Variants in GRID1 observed in about 807,000 individuals in gnomAD.
GRID1 encodes the protein glutamate ionotropic receptor delta type subunit 1.
GRID1 carries 28 observed loss-of-function variants against 98.0 expected under a neutral mutation model. The observed-to-expected ratio is 0.29, with a 90% CI of 0.21 to 0.39. GRID1 has a LOEUF of 0.39. Among genes scored for constraint, GRID1 ranks in the 10% least tolerant of loss-of-function variants. The pLI, the probability that GRID1 is intolerant of heterozygous loss-of-function variation, is 1.00. For missense variants in GRID1, 1,111 were observed against 1,340.5 expected, an observed-to-expected ratio of 0.83 and a Z score of 2.67; for synonymous variants, 553 against 538.5, an observed-to-expected ratio of 1.03 and a Z score of -0.37.
intron 12 of GRID1, among the ~76,000 whole-genome samples, chr10:85,713,376 T>C (rs1214658762): frequency 6.6e-6 from 1 of 151,718 alleles, no homozygotes; most frequent in Non-Finnish European, 1.5e-5. Flanking sequence ...AATCTGAGCA[T>C]ACTAATAGTG....
At chr10:85,735,609 CCTTTGGAAGATTGGG>C (rs1841871098) in intron 8 of GRID1, among the ~76,000 whole-genome samples, 1 of 152,062 alleles carries the variant, frequency 6.6e-6, no homozygotes, top group African/African-American at 2.4e-5. Context: ...GGACAGGCAT[CCTTTGGAAGATTGGG>C]CTTTGTGTTC....
At chr10:85,738,508 G>T (rs1470496109) in intron 8 of GRID1, among the ~76,000 whole-genome samples, 1 of 152,154 alleles carries the variant, frequency 6.6e-6, no homozygotes, top group African/African-American at 2.4e-5. Flanking sequence ...ATTACATAAG[G>T]GAGATGTAAA....
intron 3 of GRID1, among the ~76,000 whole-genome samples, chr10:86,168,516 C>A (rs1209665048): frequency 6.6e-6 from 1 of 152,176 alleles, no homozygotes; most frequent in Non-Finnish European, 1.5e-5. Context: ...AACCCAAGAG[C>A]CTGCTGTCCA....
rs556081016 is a variant in GRID1, at chr10:86,216,488, C to T, written c.236-9840G>A. 2.3e-4 allele frequency among the ~76,000 whole-genome samples: 35 copies of T among 152,330 alleles called. 2 individuals are homozygous for T. The highest frequency in any genetic ancestry group is 3.4e-3 in the Middle Eastern group (1 of 294). ...GTCCAAGACTAGAGTTAGCCTTCAGCGCACAATGAGAAAAGATCTTGGAAT... is the reference window on the plus strand; with the variant it reads ...GTCCAAGACTAGAGTTAGCCTTCAGTGCACAATGAGAAAAGATCTTGGAAT... On this transcript the variant is annotated intron_variant, in intron 2 of 15. Transcript: ENST00000327946.
chr10:85,926,170 C>T (rs940056739), intron 4 of GRID1, among the ~76,000 whole-genome samples: 7 of 152,062 alleles, frequency 4.6e-5, no homozygotes, highest in African/African-American at 9.7e-5. Flanking sequence ...ATTTGTGACA[C>T]GGGAAAACTA....
chr10:85,665,625 G>A (rs1267089856), intron 12 of GRID1, among the ~76,000 whole-genome samples: 1 of 152,140 alleles, frequency 6.6e-6, no homozygotes, highest in Non-Finnish European at 1.5e-5. Context: ...TAAATTGCTT[G>A]ACAGTCTAAT....
At chr10:86,038,294 GAA>G (rs1326108410) in intron 4 of GRID1, among the ~76,000 whole-genome samples, 1 of 152,180 alleles carries the variant, frequency 6.6e-6, no homozygotes, top group East Asian at 1.9e-4. Context: ...TACACCATTG[GAA>G]GAGATGCATA....
Position 86,108,095 on chromosome 10 carries a change from T to C in GRID1, c.726+30724A>G, listed in dbSNP as rs981293817. 4.6e-5 allele frequency among the ~76,000 whole-genome samples: 7 copies of C among 152,244 alleles called. No individual in the cohort carries two copies. The South Asian group carries it at 1.4e-3, about 32-fold the overall frequency. ...AACTAAGAGAGCACCCTGTAACACA[T>C]GCCCACTGGGGCTTCAGGAGCTGTA... On this transcript the variant is annotated intron_variant, in intron 4 of 15. Coordinates refer to ENST00000327946, the MANE Select transcript of GRID1 (RefSeq NM_017551.3).
chr10:86,056,028 C>T (rs952632808), intron 4 of GRID1, among the ~76,000 whole-genome samples: 11 of 152,222 alleles, frequency 7.2e-5, no homozygotes, highest in Admixed American at 7.2e-4. Context: ...CAACGTCTCA[C>T]AGCTGGTAGG....
chr10:85,743,552 A>G (rs1034901710), intron 8 of GRID1, among the ~76,000 whole-genome samples: 5 of 152,336 alleles, frequency 3.3e-5, no homozygotes, highest in Non-Finnish European at 5.9e-5. Context: ...GAAGGAAGAT[A>G]GGAGAACCTT....
At chr10:85,652,567 A>T (rs1360571928) in intron 12 of GRID1, among the ~76,000 whole-genome samples, 1 of 152,180 alleles carries the variant, frequency 6.6e-6, no homozygotes, top group Non-Finnish European at 1.5e-5. Context: ...TCATAGCTAC[A>T]GCCTACAGAT....
intron 2 of GRID1, among the ~76,000 whole-genome samples, chr10:86,234,221 G>A (rs1014791812): frequency 1.1e-4 from 16 of 152,124 alleles, no homozygotes; most frequent in Non-Finnish European, 1.3e-4. Flanking sequence ...TTTAAAATGG[G>A]AGGTTTCATC....
At chr10:85,955,725 C>A (rs1842180694) in intron 4 of GRID1, among the ~76,000 whole-genome samples, 1 of 127,158 alleles carries the variant, frequency 7.9e-6, no homozygotes, top group South Asian at 2.4e-4. Flanking sequence ...ATTTAGTCAT[C>A]AGACAGTCAG....
chr10:86,332,157 G>C (rs1333127651), intron 2 of GRID1, among the ~76,000 whole-genome samples: 1 of 152,228 alleles, frequency 6.6e-6, no homozygotes, highest in African/African-American at 2.4e-5. Context: ...GTGGGGCCCA[G>C]AGGGGCCGTC....
chr10:86,337,698 C>CTTTTTTTT lies in GRID1; in HGVS notation c.235+26235_235+26242dup, dbSNP rs57891044. Among the ~76,000 whole-genome samples, 5 of 73,336 alleles carry CTTTTTTTT rather than the reference C, an allele frequency of 6.8e-5. 1 individual carries two copies. The highest frequency in any genetic ancestry group is 2.3e-4 in the African/African-American group (4 of 17,192). 48.1% of individuals were successfully genotyped at this position (73,336 alleles called of 152,430 possible). ...ACAGCCTTTCTCTTCCCTTTGGGAA[C>CTTTTTTTT]TTTTTTTTTTTTTTTTTTTTTTTTT... On this transcript the variant is annotated intron_variant, in intron 2 of 15. Coordinates refer to ENST00000327946, the MANE Select transcript of GRID1 (RefSeq NM_017551.3).
At chr10:86,121,533 C>CACCATTATCTCACCATCATT (rs1844672725) in intron 4 of GRID1, among the ~76,000 whole-genome samples, 1 of 152,244 alleles carries the variant, frequency 6.6e-6, no homozygotes, top group Non-Finnish European at 1.5e-5. Flanking sequence ...TCATCACCAT[C>CACCATTATCTCACCATCATT]ATCACCATCA....
At chr10:85,659,444 G>A (rs78075813) in intron 12 of GRID1, among the ~76,000 whole-genome samples, 5,623 of 152,316 alleles carry the variant, frequency 0.037, 135 homozygotes, top group Middle Eastern at 0.048. Context: ...AGCTGGTGAA[G>A]GAATCACAGC....
intron 13 of GRID1, among the ~76,000 whole-genome samples, chr10:85,632,573 T>A (rs903234113): frequency 9.9e-5 from 15 of 152,226 alleles, no homozygotes; most frequent in African/African-American, 3.6e-4. Context: ...TTTTTAAGGT[T>A]TTTTTGTTGT....
chr10:86,363,221 G>T (rs1848625060), intron 2 of GRID1, among the ~76,000 whole-genome samples: 2 of 152,260 alleles, frequency 1.3e-5, no homozygotes, highest in Admixed American at 6.5e-5. Context: ...CCGACCGGAG[G>T]CAGTGGCTGT....
Sources: allele counts gnomAD v4.1 joint callset (sites outside exome capture counted in the v4.1 genomes callset), GRCh38; gene constraint gnomAD v4.1.1; transcripts MANE v1.5; gene names NCBI Gene and HGNC (gene_info 2026-07-23, HGNC 2026-07-21).